The following ESD variants were observed in gnomAD, a reference collection of about 807,000 sequenced individuals.
ESD encodes the protein S-formylglutathione hydrolase.
ESD carries 34 observed loss-of-function variants against 38.1 expected under a neutral mutation model. The observed-to-expected ratio is 0.89, with a 90% CI of 0.68 to 1.19. ESD has a LOEUF of 1.19. Ranked by LOEUF, ESD falls within the 50% of genes most tolerant of loss-of-function variation. ESD has a pLI of 0.00. For missense variants in ESD, 334 were observed against 327.2 expected (o/e 1.02, Z -0.16); for synonymous variants, 97 against 107.0 (o/e 0.91, Z 0.58).
Position 46,779,991 on chromosome 13 carries a change from G to C in ESD, c.544C>G (p.Pro182Ala), listed in dbSNP as rs1566279013. ...CCACTAAAGGCTTTTTTGCCCCAGG[G>C]ACAGAGTACAGGGTTGCAAATTGGA... ...FAPICNPVLC[P>A]WGKKAFSGYL... Residue 182 changes from proline to alanine, a missense_variant, in exon 8 of 10, where the codon CCC becomes GCC. Physicochemically the swap from Pro to Ala is conservative, Grantham distance 27 (BLOSUM62 -1). Transcript: ENST00000378720. 1 of 1,604,648 alleles carries C rather than the reference G, an allele frequency of 6.2e-7. No individual in the cohort carries two copies. Among genetic ancestry groups the C allele is most frequent in the Non-Finnish European group, 8.5e-7 (1 of 1,174,106 alleles).
At chr13:46,793,822 A>G (rs1875476939) in intron 1 of ESD, among the ~76,000 whole-genome samples, 1 of 152,206 alleles carries the variant, frequency 6.6e-6, no homozygotes, top group Non-Finnish European at 1.5e-5. Flanking sequence ...CTAGGTAAGT[A>G]GAGGAAGATG....
In ESD at chr13:46,784,262, A is replaced by G. The variant is rs1875112589; in HGVS notation, c.246T>C (p.Asp82=). The change falls in exon 5 of 10, where the codon GAT becomes GAC. Residue 82 remains aspartate (D), a synonymous_variant. Transcript: ENST00000378720. The part of the protein sequence containing the change: ...SEHGLVVIAP[D]TSPRGCNIKG... ...ACCACAAACACTTACGAGGGCTGGT[A>G]TCTGGAGCAATGACAACAAGACCAT... is the stretch of plus-strand genomic sequence containing the variant. 7 of 1,611,258 alleles carry G rather than the reference A, an allele frequency of 4.3e-6. No homozygotes were observed. In the East Asian group the frequency reaches 1.3e-4, roughly 31 times the overall value.
At chr13:46,778,076 C>T (rs1874868459) in intron 8 of ESD, among the ~76,000 whole-genome samples, 1 of 151,536 alleles carries the variant, frequency 6.6e-6, no homozygotes, top group African/African-American at 2.4e-5. Flanking sequence ...TTCTTTATGG[C>T]TGTAATTCCA....
intron 1 of ESD, among the ~76,000 whole-genome samples, chr13:46,796,723 G>C (rs1452244435): frequency 6.6e-6 from 1 of 152,240 alleles, no homozygotes; most frequent in Non-Finnish European, 1.5e-5. Context: ...GTAACGCGTT[G>C]AGGCCAGCTC....
rs138925242 is a variant in ESD, at chr13:46,782,675, T to C, written c.373A>G (p.Thr125Ala). 23 of 1,611,682 alleles carry C rather than the reference T, an allele frequency of 1.4e-5. No individual in the cohort carries two copies. The African/African-American group carries it at 2.8e-4, about 20-fold the overall frequency. Residue 125 changes from threonine (T) to alanine (A), a missense_variant, in exon 6 of 10, where the codon ACA (threonine) becomes GCA (alanine). Transcript: ENST00000378720. ...AATACAAATTAAATTACCTCCTCTG[T>C]GACATAAGAGTACATTCTGTAGTTG... ...KTNYRMYSYV[T>A]EELPQLINAN... is the part of the protein sequence containing the mutation.
At chr13:46,782,325 T>TA (rs1341670713) in intron 6 of ESD, among the ~76,000 whole-genome samples, 1 of 151,798 alleles carries the variant, frequency 6.6e-6, no homozygotes, top group Admixed American at 6.6e-5. Flanking sequence ...TTAATAGAGG[T>TA]AATGCTTTAC....
chr13:46,795,744 C>CT (rs1293199624), intron 1 of ESD, among the ~76,000 whole-genome samples: 7 of 148,380 alleles, frequency 4.7e-5, no homozygotes, highest in Admixed American at 1.3e-4. Flanking sequence ...CAAACACAGT[C>CT]TTTTTTTTCT....
In ESD at chr13:46,781,686, A is replaced by T; in HGVS notation, c.382-71T>A. 2.2e-6 allele frequency: 3 copies of T among 1,388,410 alleles called. No homozygotes were observed. In the South Asian group the frequency reaches 3.6e-5, roughly 17 times the overall value. The allele number at this position is 1,388,410 out of a possible 1,614,324, so 86.0% of individuals were successfully genotyped here. On this transcript the variant is annotated intron_variant, in intron 6 of 9. Transcript: ENST00000378720. The stretch of plus-strand genomic sequence containing the variant: ...GTTCAGACATTTCAAAGTTACAGAA[A>T]ATAATTACACAATCAATACTGCCAA...
At position 46,782,663 on chromosome 13, in the gene ESD, T is replaced by C; in HGVS notation, c.381+4A>G. The C allele has an allele frequency of 6.2e-7, 1 of 1,611,024 alleles. No individual in the cohort carries two copies. Among genetic ancestry groups the C allele is most frequent in the South Asian group, 1.1e-5 (1 of 90,854 alleles). The stretch of plus-strand genomic sequence containing the variant: ...ATTAATAATTACAATACAAATTAAA[T>C]TACCTCCTCTGTGACATAAGAGTAC... On this transcript the variant is annotated splice_donor_region_variant and intron_variant, in intron 6 of 9. Transcript: ENST00000378720.
chr13:46,786,437 G>A (rs563176981), intron 4 of ESD, among the ~76,000 whole-genome samples: 1 of 152,090 alleles, frequency 6.6e-6, no homozygotes, highest in Non-Finnish European at 1.5e-5. Context: ...TCTTGTGAAA[G>A]AAAAGTTAGC....
In ESD at chr13:46,779,932, T is replaced by C; in HGVS notation, c.600+3A>G. 1.9e-6 allele frequency: 3 copies of C among 1,597,690 alleles called. No homozygotes were observed. Among genetic ancestry groups the C allele is most frequent in the Non-Finnish European group, 1.7e-6 (2 of 1,168,038 alleles). ...AGTATTAAGACAGCCATTCAGTACC[T>C]ACCTTCCATTTACTTTGATCTGTTC... On this transcript the variant is annotated splice_donor_region_variant and intron_variant, in intron 8 of 9. Transcript: ENST00000378720.
chr13:46,777,696 C>T, intron 8 of ESD, 73 bp from the exon 9 acceptor site: 1 of 1,200,522 alleles, frequency 8.3e-7, no homozygotes. Context: ...TAGTACCAAA[C>T]AGAAATTTAA....
chr13:46,783,063 T>A (rs921714461), intron 5 of ESD, among the ~76,000 whole-genome samples: 17 of 151,960 alleles, frequency 1.1e-4, no homozygotes, highest in African/African-American at 3.9e-4. Context: ...TAACTTTCTT[T>A]GTTGATGAAG....
intron 8 of ESD, among the ~76,000 whole-genome samples, chr13:46,779,692 G>T (rs939534875): frequency 7.0e-6 from 1 of 143,506 alleles, no homozygotes; most frequent in East Asian, 2.0e-4. Context: ...AGAAAGTAGG[G>T]TTTTTTGTTG....
In ESD at chr13:46,779,845, A is replaced by C; in HGVS notation, c.600+90T>G. 3.6e-6 allele frequency: 3 copies of C among 837,230 alleles called. No homozygotes were observed. In the South Asian group the frequency reaches 5.4e-5, roughly 15 times the overall value. 51.9% of individuals were successfully genotyped at this position (837,230 alleles called of 1,614,324 possible). Reference sequence around the variant, plus strand: ...TTTGTCTCAGCTCTAGAGCCCTAACATGAGCAGGGTAGGAATATAATATAT... The same window carrying C: ...TTTGTCTCAGCTCTAGAGCCCTAACCTGAGCAGGGTAGGAATATAATATAT... On this transcript the variant is annotated intron_variant, in intron 8 of 9. Coordinates refer to ENST00000378720, the MANE Select transcript of ESD (RefSeq NM_001984.2).
chr13:46,772,395 A>G (rs1874637351), intron 9 of ESD, among the ~76,000 whole-genome samples: 1 of 152,224 alleles, frequency 6.6e-6, no homozygotes, highest in Admixed American at 6.5e-5. Flanking sequence ...TTCCAAAAAA[A>G]AAATAATTAC....
chr13:46,786,961 A>G, intron 4 of ESD, 60 bp downstream of exon 4: 5 of 1,088,176 alleles, frequency 4.6e-6, no homozygotes, highest in Non-Finnish European at 6.3e-6. Flanking sequence ...AAAGGGTAAG[A>G]TAAGCCAGTT....
chr13:46,779,905 T>G, intron 8 of ESD, 30 bp downstream of exon 8: 166 of 1,502,968 alleles, frequency 1.1e-4, no homozygotes, highest in Middle Eastern at 1.7e-4. Flanking sequence ...AACTTAAGAA[T>G]GAGTATTAAG....
rs1304106028 is a variant in ESD at position 46,782,790 on chromosome 13, A to C, written c.258T>G (p.Arg86=). The C allele has an allele frequency of 7.4e-6, 12 of 1,611,884 alleles. No individual in the cohort carries two copies. The South Asian group carries it at 9.9e-5, about 13-fold the overall frequency. The part of the protein sequence containing the change: ...LVVIAPDTSP[R]GCNIKGEDES... ...CATCTTCACCTTTAATATTGCAGCC[A>C]CCTATCAAGAAACAATCTTGTGGTT... The change falls in exon 6 of 10, where the codon CGT becomes CGG. Residue 86 remains arginine, a splice_region_variant and synonymous_variant. Transcript: ENST00000378720.
Sources: gnomAD v4.1 joint callset for allele counts (sites outside exome capture counted in the v4.1 genomes callset) on GRCh38, gnomAD v4.1.1 for gene constraint, MANE v1.5 for transcripts, NCBI Gene and HGNC (gene_info 2026-07-23, HGNC 2026-07-21) for gene names.